CLASP2: variants seen among roughly 807,000 people sequenced by gnomAD.
CLASP2 encodes cytoplasmic linker associated protein 2, also known as CLIP-associating protein 2.
In CLASP2, 47 loss-of-function variants were observed where a neutral mutation model predicts 194.4. The ratio of observed to expected loss-of-function variants is 0.24; its 90% CI spans 0.19 to 0.31. The LOEUF is 0.31. Ranked by LOEUF, CLASP2 falls within the 10% of genes least tolerant of loss-of-function variation. The pLI is 1.00. For missense variants in CLASP2, 1,445 were observed against 1,823.6 expected (o/e 0.79, Z 3.78); for synonymous variants, 619 against 633.5 (o/e 0.98, Z 0.34).
intron 6 of CLASP2, among the ~76,000 whole-genome samples, chr3:33,672,395 G>A (rs1021705243): frequency 3.3e-5 from 5 of 151,982 alleles, no homozygotes; most frequent in Admixed American, 3.3e-4. Context: ...CTGTCTGTTA[G>A]AAGGAAAACG....
chr3:33,627,144 C>G (rs543467047), intron 9 of CLASP2, 64 bp from the exon 10 acceptor site: 1 of 912,828 alleles, frequency 1.1e-6, no homozygotes, highest in African/African-American at 1.7e-5. Flanking sequence ...AAATTATGCC[C>G]TGATGTTTAA....
chr3:33,689,016 C>T (rs1173815918), intron 3 of CLASP2, among the ~76,000 whole-genome samples: 3 of 152,054 alleles, frequency 2.0e-5, no homozygotes, highest in African/African-American at 7.2e-5. Context: ...CCTTTCTCCA[C>T]ATTTGGAAAC....
At position 33,598,385 on chromosome 3, in the gene CLASP2, A is replaced by G. The variant is rs532986221; in HGVS notation, c.1925-1651T>C. Among the ~76,000 whole-genome samples the G allele has an allele frequency of 4.0e-5, 6 of 151,686 alleles. No homozygotes were observed. The East Asian group carries it at 7.8e-4, about 20-fold the overall frequency. On this transcript the variant is annotated intron_variant, in intron 18 of 38. Transcript: ENST00000682230. ...CAAAATATCGTATCTGATATCTACT[A>G]CCTCTTCCAATTCCTTCCCTTCCAT...
At chr3:33,634,373 C>T (rs575162077) in intron 8 of CLASP2, among the ~76,000 whole-genome samples, 5 of 152,252 alleles carry the variant, frequency 3.3e-5, no homozygotes, top group Non-Finnish European at 7.4e-5. Context: ...TAAAGGGCCA[C>T]ACAGTAATAT....
intron 7 of CLASP2, among the ~76,000 whole-genome samples, chr3:33,651,740 AC>A (rs2083261743): frequency 6.7e-6 from 1 of 149,850 alleles, no homozygotes; most frequent in Admixed American, 6.7e-5. Flanking sequence ...GCTCACTGCA[AC>A]CTCTGCCTCC....
chr3:33,631,691 C>T (rs1197659325), intron 9 of CLASP2, among the ~76,000 whole-genome samples: 1 of 132,838 alleles, frequency 7.5e-6, no homozygotes, highest in Non-Finnish European at 1.6e-5. Context: ...AGCTAGACTT[C>T]ATCTCAAAAA....
chr3:33,680,232 T>A (rs755971699), intron 6 of CLASP2, among the ~76,000 whole-genome samples: 8 of 152,190 alleles, frequency 5.3e-5, no homozygotes, highest in Non-Finnish European at 1.2e-4. Context: ...CATTACGGAT[T>A]TTTAAGGCAG....
At chr3:33,509,357 C>T (rs540650228) in intron 37 of CLASP2, among the ~76,000 whole-genome samples, 12 of 152,304 alleles carry the variant, frequency 7.9e-5, no homozygotes, top group African/African-American at 1.9e-4. Flanking sequence ...GCTGGGATTA[C>T]GGCATGTGCC....
chr3:33,691,865 C>T lies in CLASP2; in HGVS notation c.275-1933G>A, dbSNP rs919483680. On this transcript the variant is annotated intron_variant, in intron 2 of 38. Transcript: ENST00000682230. ...GTCATGCAAACAACAAGTAGTGAAA[C>T]CAGGTTTTTAATAATTTATACTGGC... Among the ~76,000 whole-genome samples the T allele has an allele frequency of 5.3e-5, 8 of 152,222 alleles. No individual in the cohort carries two copies. The East Asian group carries it at 1.4e-3, about 26-fold the overall frequency.
intron 6 of CLASP2, chr3:33,682,932 G>A (rs1306444156): frequency 6.6e-6 from 1 of 152,172 alleles, no homozygotes; most frequent in Non-Finnish European, 1.5e-5. Flanking sequence ...GGGACAGATT[G>A]TCAGCTTCCT....
At chr3:33,615,412 G>A (rs1360574914) in intron 12 of CLASP2, among the ~76,000 whole-genome samples, 2 of 139,816 alleles carry the variant, frequency 1.4e-5, no homozygotes, top group East Asian at 4.2e-4. Flanking sequence ...GCAGCACAAC[G>A]AACAGGAAAC....
intron 37 of CLASP2, among the ~76,000 whole-genome samples, chr3:33,509,212 TTATC>T (rs1309499604): frequency 4.6e-5 from 7 of 152,376 alleles, no homozygotes; most frequent in East Asian, 1.9e-4. Context: ...CTAATCTATC[TTATC>T]TATCTGATAT....
chr3:33,573,527 T>C (rs1205720404), intron 24 of CLASP2, 173 bp from the exon 25 acceptor site: 2 of 710,344 alleles, frequency 2.8e-6, no homozygotes, highest in African/African-American at 3.5e-5. Context: ...AAACAAGTTT[T>C]AGAAGTTAGT....
At position 33,553,352 on chromosome 3, in the gene CLASP2, G is replaced by A. The variant is rs549096356; in HGVS notation, c.3010-1957C>T. On this transcript the variant is annotated intron_variant, in intron 29 of 38. Transcript: ENST00000682230. ...CAAAAGCAAAAATAGACAAATGAGA[G>A]TACATCAAACTAAAAAGCTTCTGCA... 7.9e-5 allele frequency among the ~76,000 whole-genome samples: 12 copies of A among 152,134 alleles called. No individual in the cohort carries two copies. In the East Asian group the frequency reaches 1.7e-3, roughly 22 times the overall value.
rs2090953072 is a variant in CLASP2 at position 33,688,348 on chromosome 3, A to T, written c.399T>A (p.Ala133=). Residue 133 remains alanine, a synonymous_variant, in exon 4 of 39, where the codon GCT becomes GCA. Transcript: ENST00000682230. ...APPMYIWEQL[A]SGFKHKNFRS... ...GAAAATTCTTGTGTTTAAAACCAGAAGCCAACTGCTCCCAAATGTACTATT... is the reference window on the plus strand; with the variant it reads ...GAAAATTCTTGTGTTTAAAACCAGATGCCAACTGCTCCCAAATGTACTATT... 6.3e-7 allele frequency: 1 copy of T among 1,590,202 alleles called. No individual in the cohort carries two copies. Among genetic ancestry groups the T allele is most frequent in the Admixed American group, 1.8e-5 (1 of 56,718 alleles).
rs2057139509 is a variant in CLASP2, at chr3:33,535,417, A to G, written c.3603T>C (p.Asp1201=). 1 of 1,614,016 alleles carries G rather than the reference A, an allele frequency of 6.2e-7. No homozygotes were observed. Among genetic ancestry groups the G allele is most frequent in the African/African-American group, 1.3e-5 (1 of 75,050 alleles). ...PGMSDPRAGG[D]ATDSSQTALD... ...GAGCTGTTTGACTTGAGTCAGTAGC[A>G]TCACCTCCTGCTCTTGGGTCAGACA... Residue 1201 remains aspartate, a synonymous_variant, in exon 34 of 39, where the codon GAT becomes GAC. Transcript: ENST00000682230.
intron 36 of CLASP2, 45 bp downstream of exon 36, chr3:33,515,978 T>C (rs1015150207): frequency 3.2e-6 from 5 of 1,552,086 alleles, no homozygotes; most frequent in African/African-American, 2.7e-5. Context: ...ACATGTTTCA[T>C]GAAATAAAAT....
At chr3:33,686,988 T>C (rs2090755588) in intron 5 of CLASP2, 72 bp downstream of exon 5, 5 of 814,026 alleles carry the variant, frequency 6.1e-6, no homozygotes, top group South Asian at 1.9e-5. Flanking sequence ...TTTTTAAAAA[T>C]AGAATAAGAG....
chr3:33,617,641 T>C (rs1242500887), intron 12 of CLASP2, among the ~76,000 whole-genome samples: 1 of 151,930 alleles, frequency 6.6e-6, no homozygotes, highest in Non-Finnish European at 1.5e-5. Context: ...TGTCAGACTG[T>C]AGAAAATACC....
Sources: allele counts gnomAD v4.1 joint callset (sites outside exome capture counted in the v4.1 genomes callset), GRCh38; gene constraint gnomAD v4.1.1; transcripts MANE v1.5; gene names NCBI Gene and HGNC (gene_info 2026-07-23, HGNC 2026-07-21).